MYO1E: variants seen among roughly 807,000 people sequenced by gnomAD.
The protein encoded by MYO1E is unconventional myosin-Ie.
In MYO1E, 68 loss-of-function variants were observed where a neutral mutation model predicts 151.1. That is an observed-to-expected ratio of 0.45 (90% CI 0.37 to 0.55). The LOEUF is 0.55. Among genes scored for constraint, MYO1E ranks in the 20% least tolerant of loss-of-function variants. The pLI is 0.00. For missense variants in MYO1E, 1,363 were observed against 1,389.3 expected (o/e 0.98, Z 0.30); for synonymous variants, 601 against 501.7 (o/e 1.20, Z -2.64).
intron 1 of MYO1E, among the ~76,000 whole-genome samples, chr15:59,336,584 T>C (rs1596426151): frequency 6.9e-6 from 1 of 145,464 alleles, no homozygotes; most frequent in African/African-American, 2.8e-5. Flanking sequence ...AGTACACCCC[T>C]GGTCTTTTTT....
chr15:59,321,804 G>A (rs1291740696), intron 1 of MYO1E, among the ~76,000 whole-genome samples: 1 of 151,930 alleles, frequency 6.6e-6, no homozygotes, highest in African/African-American at 2.4e-5. Context: ...TTGAGCCCAG[G>A]AGGTTGAGCC....
intron 1 of MYO1E, among the ~76,000 whole-genome samples, chr15:59,335,103 G>T (rs1292057212): frequency 6.6e-6 from 1 of 152,182 alleles, no homozygotes; most frequent in Non-Finnish European, 1.5e-5. Flanking sequence ...AACCGTGAAA[G>T]AGAAAAACAA....
At position 59,161,181 on chromosome 15, in the gene MYO1E, C is replaced by T; in HGVS notation, c.2677G>A (p.Gly893Ser). ...TGGTGGAACTGCACTTGCCGGGAGCCCCCTGCACTCCAGGGGCCCCAGTTT... is the reference window on the plus strand; with the variant it reads ...TGGTGGAACTGCACTTGCCGGGAGCTCCCTGCACTCCAGGGGCCCCAGTTT... ...KENWGPWSAG[G>S]SRQVQFHQGF... Residue 893 changes from glycine to serine, a missense_variant, in exon 24 of 28, where the codon GGC becomes AGC. By Grantham distance (56) the Gly-to-Ser change is moderately conservative (BLOSUM62 0). Coordinates refer to ENST00000288235, the MANE Select transcript of MYO1E (RefSeq NM_004998.4). The T allele has an allele frequency of 1.9e-6, 3 of 1,614,058 alleles. No homozygotes were observed. Among genetic ancestry groups the T allele is most frequent in the Non-Finnish European group, 2.5e-6 (3 of 1,179,982 alleles).
At chr15:59,240,962 C>T (rs1476624100) in intron 4 of MYO1E, among the ~76,000 whole-genome samples, 9 of 152,116 alleles carry the variant, frequency 5.9e-5, no homozygotes, top group African/African-American at 1.9e-4. Context: ...ACAGGGAAGT[C>T]GAGTATACAA....
intron 1 of MYO1E, among the ~76,000 whole-genome samples, chr15:59,335,488 T>C (rs1256707377): frequency 6.6e-6 from 1 of 152,028 alleles, no homozygotes; most frequent in East Asian, 1.9e-4. Flanking sequence ...AATAAATCTG[T>C]GCCGAATATG....
intron 1 of MYO1E, among the ~76,000 whole-genome samples, chr15:59,356,724 T>C (rs1302334742): frequency 6.6e-6 from 1 of 151,110 alleles, no homozygotes; most frequent in Non-Finnish European, 1.5e-5. Flanking sequence ...ACTACAAGTG[T>C]GTAACACCAC....
intron 1 of MYO1E, among the ~76,000 whole-genome samples, chr15:59,282,672 C>A (rs1464621065): frequency 6.6e-6 from 1 of 150,390 alleles, no homozygotes; most frequent in Non-Finnish European, 1.5e-5. Context: ...ATAGCGAGAC[C>A]CCATCTCTAC....
chr15:59,329,904 A>T (rs1295515828), intron 1 of MYO1E, among the ~76,000 whole-genome samples: 1 of 152,214 alleles, frequency 6.6e-6, no homozygotes, highest in Non-Finnish European at 1.5e-5. Context: ...GAGGGAAAAA[A>T]CTTCTCTCTT....
At chr15:59,202,914 T>A (rs1383119835) in intron 15 of MYO1E, among the ~76,000 whole-genome samples, 3 of 152,052 alleles carry the variant, frequency 2.0e-5, no homozygotes, top group African/African-American at 7.2e-5. Context: ...TCCAGCTAAT[T>A]CTTGTATTTT....
In MYO1E at chr15:59,246,085, T is replaced by C. The variant is rs189468766; in HGVS notation, c.333-9413A>G. On this transcript the variant is annotated intron_variant, in intron 4 of 27. Coordinates refer to ENST00000288235, the MANE Select transcript of MYO1E (RefSeq NM_004998.4). ...TACCTACCAAGCCTTCAGGTGCTCA[T>C]TATCATTCTTTTTTTAAATTTTTTA... is the stretch of plus-strand genomic sequence containing the variant. 8.9e-4 allele frequency among the ~76,000 whole-genome samples: 136 copies of C among 152,220 alleles called. 1 individual carries two copies. The highest frequency in any genetic ancestry group is 3.4e-3 in the Middle Eastern group (1 of 294).
chr15:59,280,622 C>CAAA (rs35913240), intron 1 of MYO1E, among the ~76,000 whole-genome samples: 1,954 of 77,074 alleles, frequency 0.025, 49 homozygotes, highest in African/African-American at 0.072. Flanking sequence ...AAGTCCATCT[C>CAAA]AAAAAAAAAA....
At chr15:59,343,004 T>A (rs1479765586) in intron 1 of MYO1E, among the ~76,000 whole-genome samples, 1 of 152,218 alleles carries the variant, frequency 6.6e-6, no homozygotes, top group Non-Finnish European at 1.5e-5. Flanking sequence ...TATGGGTTCA[T>A]CCTTTCATCT....
At chr15:59,324,138 T>C (rs1453748305) in intron 1 of MYO1E, among the ~76,000 whole-genome samples, 3 of 152,134 alleles carry the variant, frequency 2.0e-5, no homozygotes, top group African/African-American at 7.2e-5. Context: ...CGACAGAACG[T>C]GAGACAAGTA....
At chr15:59,217,068 A>G (rs2079923288) in intron 10 of MYO1E, among the ~76,000 whole-genome samples, 2 of 152,152 alleles carry the variant, frequency 1.3e-5, no homozygotes, top group Non-Finnish European at 2.9e-5. Flanking sequence ...CAGATCCTCC[A>G]ACCCTAGGCA....
intron 1 of MYO1E, among the ~76,000 whole-genome samples, chr15:59,357,864 C>T (rs1040466184): frequency 6.6e-5 from 10 of 152,144 alleles, no homozygotes; most frequent in African/African-American, 2.4e-4. Context: ...CAGACACAAG[C>T]TGAAGATGGA....
At chr15:59,149,135 C>A (rs1454228690) in intron 26 of MYO1E, among the ~76,000 whole-genome samples, 1 of 147,520 alleles carries the variant, frequency 6.8e-6, no homozygotes, top group Non-Finnish European at 1.5e-5. Context: ...CAGCTCACTG[C>A]AAGCTCTGCC....
chr15:59,175,484 A>T (rs573780478), intron 19 of MYO1E, among the ~76,000 whole-genome samples: 1 of 152,230 alleles, frequency 6.6e-6, no homozygotes, highest in South Asian at 2.1e-4. Flanking sequence ...CTCCTCACAG[A>T]TCCATCTGTG....
Position 59,223,146 on chromosome 15 carries a change from C to A in MYO1E, c.823G>T (p.Val275Leu). Reference protein sequence around the residue: ...IGIFAEEQTLVLQIVAGILHL... With the variant: ...IGIFAEEQTLLLQIVAGILHL... ...AGAATACCCGCCACTATCTGCAACA[C>A]CAGCGTTTGCTCTTCTGCAAAGATC... Residue 275 changes from valine to leucine, a missense_variant, in exon 9 of 28, where the codon GTG (valine) becomes TTG (leucine). Val to Leu is a conservative substitution (Grantham distance 32). Transcript: ENST00000288235. The A allele has an allele frequency of 6.2e-7, 1 of 1,614,180 alleles. No homozygotes were observed. The highest frequency in any genetic ancestry group is 8.5e-7 in the Non-Finnish European group (1 of 1,180,034).
At chr15:59,368,462 T>C (rs910597490) in intron 1 of MYO1E, among the ~76,000 whole-genome samples, 2 of 148,284 alleles carry the variant, frequency 1.3e-5, no homozygotes, top group African/African-American at 5.0e-5. Flanking sequence ...ATACAAAATA[T>C]TAGCTGGGCA....
Sources: allele counts gnomAD v4.1 joint callset (sites outside exome capture counted in the v4.1 genomes callset), GRCh38; gene constraint gnomAD v4.1.1; transcripts MANE v1.5; gene names NCBI Gene and HGNC (gene_info 2026-07-23, HGNC 2026-07-21).